MTF2: variants seen among roughly 807,000 people sequenced by gnomAD.
The protein encoded by MTF2 is metal-response element-binding transcription factor 2.
Under a neutral mutation model 79.5 loss-of-function variants are expected in MTF2, and 11 were observed. The ratio of observed to expected loss-of-function variants is 0.14; its 90% CI spans 0.09 to 0.23. MTF2 has a LOEUF of 0.23. Ranked by LOEUF, MTF2 falls within the 10% of genes least tolerant of loss-of-function variation. The probability of loss-of-function intolerance (pLI) is 1.00; values close to 1 mark genes in which losing one functional copy is unlikely to be tolerated. For synonymous variants in MTF2, 208 were observed against 232.8 expected (o/e 0.89, Z 0.97); for missense variants, 486 against 711.2 (o/e 0.68, Z 3.60).
intron 1 of MTF2, among the ~76,000 whole-genome samples, chr1:93,095,648 C>T (rs1194964307): frequency 1.4e-5 from 2 of 144,642 alleles, no homozygotes; most frequent in African/African-American, 5.3e-5. Context: ...CTGGCTATTT[C>T]TCTGTTCTTT....
chr1:93,113,421 G>T (rs1656116410), intron 3 of MTF2, among the ~76,000 whole-genome samples: 2 of 151,750 alleles, frequency 1.3e-5, no homozygotes, highest in Non-Finnish European at 2.9e-5. Context: ...GAAGAGAGAG[G>T]ATGAGAGACC....
intron 7 of MTF2, among the ~76,000 whole-genome samples, chr1:93,119,012 G>A (rs1656362655): frequency 1.3e-5 from 2 of 152,224 alleles, no homozygotes; most frequent in Admixed American, 1.3e-4. Context: ...AACTATGTAT[G>A]TGGGGGCAGC....
intron 7 of MTF2, among the ~76,000 whole-genome samples, chr1:93,118,716 C>T (rs1373436131): frequency 6.6e-6 from 1 of 152,084 alleles, no homozygotes; most frequent in East Asian, 1.9e-4. Flanking sequence ...TTTAAAGAAC[C>T]TCAAAGGGAT....
intron 7 of MTF2, among the ~76,000 whole-genome samples, chr1:93,118,643 T>C (rs192069185): frequency 3.2e-4 from 48 of 152,350 alleles, no homozygotes; most frequent in African/African-American, 1.1e-3. Flanking sequence ...TTAAGTATTG[T>C]CAGTGATTAC....
At chr1:93,116,459 G>A (rs1656252235) in intron 6 of MTF2, among the ~76,000 whole-genome samples, 1 of 146,982 alleles carries the variant, frequency 6.8e-6, no homozygotes, top group South Asian at 2.1e-4. Context: ...TTAGAGACTT[G>A]TGACTCTTCC....
At chr1:93,099,974 T>A (rs933512661) in intron 1 of MTF2, among the ~76,000 whole-genome samples, 4 of 152,178 alleles carry the variant, frequency 2.6e-5, no homozygotes, top group Non-Finnish European at 4.4e-5. Flanking sequence ...ACTTACTGAT[T>A]TAATGAAAAT....
chr1:93,089,865 GACAGAGTCTCA>G (rs1346248223), intron 1 of MTF2, among the ~76,000 whole-genome samples: 9 of 137,340 alleles, frequency 6.6e-5, no homozygotes, highest in African/African-American at 1.8e-4. Flanking sequence ...TTTTTTTTGA[GACAGAGTCTCA>G]CTCTGTCACC....
intron 1 of MTF2, among the ~76,000 whole-genome samples, chr1:93,103,449 A>G (rs911403676): frequency 6.6e-6 from 1 of 151,556 alleles, no homozygotes; most frequent in Non-Finnish European, 1.5e-5. Context: ...ACAGATGGAA[A>G]TTACATTGTT....
At chr1:93,083,191 C>T (rs1654679136) in intron 1 of MTF2, among the ~76,000 whole-genome samples, 1 of 152,088 alleles carries the variant, frequency 6.6e-6, no homozygotes, top group Admixed American at 6.6e-5. Flanking sequence ...GGGGGCGGCT[C>T]CACATGCTTT....
chr1:93,110,448 C>T lies in MTF2; in HGVS notation c.204+20C>T. 2 of 1,612,680 alleles carry T rather than the reference C, an allele frequency of 1.2e-6. No homozygotes were observed. Among genetic ancestry groups the T allele is most frequent in the South Asian group, 1.1e-5 (1 of 91,028 alleles). The stretch of plus-strand genomic sequence containing the variant: ...AAAAAGGCAAGTTACTTTAATGTAT[C>T]TTTTGCTGTTTTTGCAGTAAGCATT... On this transcript the variant is annotated intron_variant, in intron 2 of 14. Coordinates refer to ENST00000370298, the MANE Select transcript of MTF2 (RefSeq NM_007358.4).
chr1:93,083,848 A>G (rs1654716636), intron 1 of MTF2, among the ~76,000 whole-genome samples: 1 of 152,140 alleles, frequency 6.6e-6, no homozygotes, highest in South Asian at 2.1e-4. Context: ...CTTTCCACAT[A>G]CTTGTTGGCC....
rs958959694 is a variant in MTF2, at chr1:93,138,066, G to A, written c.*1039G>A. On this transcript the variant is annotated 3_prime_UTR_variant, in exon 15 of 15. Coordinates refer to ENST00000370298, the MANE Select transcript of MTF2 (RefSeq NM_007358.4). Reference sequence around the variant, plus strand: ...AATGTCTGTAGTAACTGTTAGTCATGTTTGAATAAGTGTAGTATGAACAAA... The same window carrying A: ...AATGTCTGTAGTAACTGTTAGTCATATTTGAATAAGTGTAGTATGAACAAA... 2 of 152,308 alleles carry A rather than the reference G, an allele frequency of 1.3e-5. No individual in the cohort carries two copies. The highest frequency in any genetic ancestry group is 4.8e-5 in the African/African-American group (2 of 41,570). The allele number at this position is 152,308 out of a possible 1,614,324, so 9.4% of individuals were successfully genotyped here.
chr1:93,112,206 A>G (rs748180894), intron 3 of MTF2, among the ~76,000 whole-genome samples: 5 of 152,198 alleles, frequency 3.3e-5, no homozygotes, highest in Non-Finnish European at 7.3e-5. Flanking sequence ...GCACCCTGAT[A>G]TTAGCACATA....
chr1:93,093,219 T>G (rs1215908429), intron 1 of MTF2, among the ~76,000 whole-genome samples: 3 of 152,092 alleles, frequency 2.0e-5, no homozygotes, highest in Non-Finnish European at 4.4e-5. Flanking sequence ...CAAATACTTG[T>G]TAGCTGTTAT....
intron 9 of MTF2, chr1:93,121,814 T>C (rs1656494233): frequency 1.5e-6 from 1 of 662,694 alleles, no homozygotes; most frequent in Admixed American, 1.1e-4. Flanking sequence ...TTTTTTTTTT[T>C]TTTTGGAGAC....
intron 3 of MTF2, among the ~76,000 whole-genome samples, chr1:93,110,986 T>C (rs1656006558): frequency 1.3e-5 from 2 of 152,166 alleles, no homozygotes; most frequent in Non-Finnish European, 2.9e-5. Flanking sequence ...GTCAGATGAT[T>C]TGGGAAATTA....
At chr1:93,094,165 T>C (rs980893300) in intron 1 of MTF2, among the ~76,000 whole-genome samples, 24 of 152,168 alleles carry the variant, frequency 1.6e-4, no homozygotes, top group Admixed American at 6.5e-5. Context: ...GGATGTTTTC[T>C]TTTACTTTGA....
intron 6 of MTF2, among the ~76,000 whole-genome samples, chr1:93,116,550 C>T (rs1315704072): frequency 7.1e-6 from 1 of 141,366 alleles, no homozygotes; most frequent in East Asian, 2.0e-4. Context: ...GTTGCCTCGG[C>T]TGGAGTGCAG....
chr1:93,124,141 G>A (rs1218361386), intron 9 of MTF2, among the ~76,000 whole-genome samples: 4 of 151,938 alleles, frequency 2.6e-5, no homozygotes, highest in Non-Finnish European at 5.9e-5. Flanking sequence ...GAAGATAATG[G>A]TAGTATTACA....
Sources: allele counts gnomAD v4.1 joint callset (sites outside exome capture counted in the v4.1 genomes callset), GRCh38; gene constraint gnomAD v4.1.1; transcripts MANE v1.5; gene names NCBI Gene and HGNC (gene_info 2026-07-23, HGNC 2026-07-21).